PLXNA4: variants seen among roughly 807,000 people sequenced by gnomAD.
PLXNA4 encodes the protein plexin A4, also known as plexin-A4.
Under a neutral mutation model 191.8 loss-of-function variants are expected in PLXNA4, and 44 were observed. The observed-to-expected ratio is 0.23, with a 90% CI of 0.18 to 0.29. The LOEUF is 0.29. Among genes scored for constraint, PLXNA4 ranks in the 10% least tolerant of loss-of-function variants. The pLI is 1.00. For synonymous variants in PLXNA4, 1,082 were observed against 1,009.5 expected (o/e 1.07, Z -1.36); for missense variants, 1,800 against 2,488.8 (o/e 0.72, Z 5.89).
At chr7:132,431,810 G>A (rs764830558) in intron 3 of PLXNA4, among the ~76,000 whole-genome samples, 14 of 152,284 alleles carry the variant, frequency 9.2e-5, no homozygotes, top group Non-Finnish European at 1.3e-4. Context: ...GTTAAATAAG[G>A]GTACGTGAGA....
intron 2 of PLXNA4, among the ~76,000 whole-genome samples, chr7:132,595,297 G>A (rs1326739207): frequency 6.6e-6 from 1 of 152,044 alleles, no homozygotes; most frequent in Non-Finnish European, 1.5e-5. Flanking sequence ...GAGAAAGAAG[G>A]AGCATGGTAT....
Position 132,189,012 on chromosome 7 carries a change from G to GGAAA in PLXNA4, c.2857-1406_2857-1405insTTTC, listed in dbSNP as rs1562909006. On this transcript the variant is annotated intron_variant, in intron 14 of 31. Coordinates refer to ENST00000321063, the MANE Select transcript of PLXNA4 (RefSeq NM_020911.2). ...AGGAAAGGAGAGAGAGAGAGAGAGA[G>GGAAA]AGAGAGAGAGAGAGAGAAAGAGAGA... Among the ~76,000 whole-genome samples, 9 of 58,298 alleles carry GGAAA rather than the reference G, an allele frequency of 1.5e-4. No homozygotes were observed. The East Asian group carries it at 2.0e-3, about 13-fold the overall frequency. The allele number at this position is 58,298 out of a possible 152,430, so 38.2% of individuals were successfully genotyped here.
intron 3 of PLXNA4, among the ~76,000 whole-genome samples, chr7:132,474,232 A>T (rs1401060275): frequency 6.6e-6 from 1 of 151,218 alleles, no homozygotes; most frequent in Non-Finnish European, 1.5e-5. Context: ...ACACACACAC[A>T]CACACACACA....
chr7:132,159,004 TCC>T (rs1795872901), intron 25 of PLXNA4, among the ~76,000 whole-genome samples: 1 of 152,186 alleles, frequency 6.6e-6, no homozygotes. Context: ...CTGACCCAGA[TCC>T]CTCAAGCTGT....
intron 1 of PLXNA4, among the ~76,000 whole-genome samples, chr7:132,526,911 A>G (rs1458246277): frequency 1.3e-5 from 2 of 152,178 alleles, no homozygotes; most frequent in Non-Finnish European, 2.9e-5. Flanking sequence ...ACGGTGGCAC[A>G]ATGGGTGTTA....
chr7:132,581,087 G>A (rs1376502062), upstream of PLXNA4, among the ~76,000 whole-genome samples: 1 of 152,194 alleles, frequency 6.6e-6, no homozygotes, highest in African/African-American at 2.4e-5. Context: ...CTGCCATTTC[G>A]AGGGATGGGC....
At chr7:132,284,276 T>A (rs1007793922) in intron 4 of PLXNA4, among the ~76,000 whole-genome samples, 2 of 152,238 alleles carry the variant, frequency 1.3e-5, no homozygotes, top group African/African-American at 4.8e-5. Flanking sequence ...TCCTGCAGAA[T>A]TTTTGTTCTA....
Position 132,365,364 on chromosome 7 carries a change from T to TGCGTGCGCAC in PLXNA4, c.1372-67143_1372-67142insGTGCGCACGC, listed in dbSNP as rs144384812. 8.9e-4 allele frequency among the ~76,000 whole-genome samples: 131 copies of TGCGTGCGCAC among 147,318 alleles called. 1 individual carries two copies. The highest frequency in any genetic ancestry group is 2.9e-3 in the African/African-American group (115 of 39,446). On this transcript the variant is annotated intron_variant, in intron 3 of 31. Transcript: ENST00000321063. The stretch of plus-strand genomic sequence containing the variant: ...GTGTGTGTGTGTGTGTGTGTGTGCG[T>TGCGTGCGCAC]GCGCGCGCATGCATGGGGCAAGAGT...
At chr7:132,305,769 C>T (rs1801495151) in intron 3 of PLXNA4, among the ~76,000 whole-genome samples, 1 of 152,122 alleles carries the variant, frequency 6.6e-6, no homozygotes, top group Non-Finnish European at 1.5e-5. Flanking sequence ...TTCTGGCTGC[C>T]GTCTTGCTTG....
At chr7:132,513,623 C>T (rs1375643384) in intron 1 of PLXNA4, among the ~76,000 whole-genome samples, 1 of 147,106 alleles carries the variant, frequency 6.8e-6, no homozygotes, top group Non-Finnish European at 1.5e-5. Flanking sequence ...CACAACACAC[C>T]ATGAATTAGG....
intron 3 of PLXNA4, among the ~76,000 whole-genome samples, chr7:132,306,600 T>C (rs575548933): frequency 6.6e-6 from 1 of 152,284 alleles, no homozygotes; most frequent in African/African-American, 2.4e-5. Flanking sequence ...ACTTGGCACC[T>C]GAAAGGAAGA....
intron 3 of PLXNA4, among the ~76,000 whole-genome samples, chr7:132,402,735 C>T (rs1302010286): frequency 6.6e-6 from 1 of 152,236 alleles, no homozygotes; most frequent in Non-Finnish European, 1.5e-5. Context: ...AACAAGGAGG[C>T]ATCCGAGGAT....
intron 1 of PLXNA4, among the ~76,000 whole-genome samples, chr7:132,519,795 G>T (rs553034891): frequency 3.3e-4 from 50 of 152,318 alleles, no homozygotes; most frequent in Admixed American, 5.9e-4. Flanking sequence ...AATTGCCATG[G>T]CCAAGGATAC....
intron 3 of PLXNA4, among the ~76,000 whole-genome samples, chr7:132,424,404 A>G (rs1216365326): frequency 6.6e-6 from 1 of 151,970 alleles, no homozygotes; most frequent in Non-Finnish European, 1.5e-5. Flanking sequence ...CAGGCCCACA[A>G]GACAGTAGAG....
chr7:132,171,359 C>A (rs571647670), intron 21 of PLXNA4, among the ~76,000 whole-genome samples: 22 of 152,308 alleles, frequency 1.4e-4, no homozygotes, highest in Non-Finnish European at 1.0e-4. Context: ...GATTATGAAA[C>A]CCAAACTTGT....
chr7:132,459,286 A>G (rs1796416790), intron 3 of PLXNA4, among the ~76,000 whole-genome samples: 1 of 152,204 alleles, frequency 6.6e-6, no homozygotes, highest in Non-Finnish European at 1.5e-5. Context: ...GAACTGGAGG[A>G]ACAGTAATAG....
chr7:132,496,849 G>T (rs186679378), intron 2 of PLXNA4, among the ~76,000 whole-genome samples: 8 of 152,120 alleles, frequency 5.3e-5, no homozygotes, highest in African/African-American at 1.7e-4. Flanking sequence ...TGAGTGCTCT[G>T]CCATCTCCAG....
At chr7:132,365,367 G>GTGCGCGCGCA (rs1413839049) in intron 3 of PLXNA4, among the ~76,000 whole-genome samples, 2 of 151,800 alleles carry the variant, frequency 1.3e-5, no homozygotes, top group African/African-American at 4.8e-5. Flanking sequence ...GTGTGCGTGC[G>GTGCGCGCGCA]CGCGCATGCA....
chr7:132,270,087 C>T (rs531951109), intron 4 of PLXNA4, among the ~76,000 whole-genome samples: 6 of 152,114 alleles, frequency 3.9e-5, no homozygotes, highest in Non-Finnish European at 5.9e-5. Context: ...AACCACTATA[C>T]GTAAAGAGAC....
Sources: allele counts gnomAD v4.1 joint callset (sites outside exome capture counted in the v4.1 genomes callset), GRCh38; gene constraint gnomAD v4.1.1; transcripts MANE v1.5; gene names NCBI Gene and HGNC (gene_info 2026-07-23, HGNC 2026-07-21).